ZNF521: variants seen among roughly 807,000 people sequenced by gnomAD.
ZNF521 encodes the protein LYST-interacting protein 3.
In ZNF521, 14 loss-of-function variants were observed where a neutral mutation model predicts 105.5. The observed-to-expected ratio is 0.13, with a 90% CI of 0.09 to 0.21. The LOEUF is 0.21. ZNF521 is among the 10% of genes least tolerant of loss of function. The probability of loss-of-function intolerance (pLI) is 1.00; values close to 1 mark genes in which losing one functional copy is unlikely to be tolerated. For missense variants in ZNF521, 1,233 were observed against 1,629.7 expected, an observed-to-expected ratio of 0.76 and a Z score of 4.19; for synonymous variants, 635 against 606.0, an observed-to-expected ratio of 1.05 and a Z score of -0.70.
At chr18:25,190,032 A>T (rs2035790664) in intron 5 of ZNF521, among the ~76,000 whole-genome samples, 1 of 152,148 alleles carries the variant, frequency 6.6e-6, no homozygotes, top group Admixed American at 6.5e-5. Flanking sequence ...GCTATTAAAG[A>T]GAAAGTATCC....
intron 3 of ZNF521, among the ~76,000 whole-genome samples, chr18:25,296,106 T>G (rs1473654003): frequency 6.6e-6 from 1 of 152,218 alleles, no homozygotes; most frequent in Non-Finnish European, 1.5e-5. Flanking sequence ...CTTATCCATC[T>G]TTTTGTTTCA....
chr18:25,323,555 C>A (rs775098568), intron 2 of ZNF521, among the ~76,000 whole-genome samples: 3 of 152,102 alleles, frequency 2.0e-5, no homozygotes, highest in Non-Finnish European at 4.4e-5. Flanking sequence ...AATCCTCCTG[C>A]CTCAGCCTCC....
chr18:25,128,942 T>C (rs139302139), intron 5 of ZNF521, among the ~76,000 whole-genome samples: 10 of 152,038 alleles, frequency 6.6e-5, no homozygotes, highest in African/African-American at 2.2e-4. Context: ...TTGTGGATAT[T>C]GACAAAAAGA....
At chr18:25,261,257 G>C (rs1322221097) in intron 3 of ZNF521, among the ~76,000 whole-genome samples, 3 of 152,150 alleles carry the variant, frequency 2.0e-5, no homozygotes, top group Non-Finnish European at 4.4e-5. Flanking sequence ...TGACCTGTCT[G>C]ATTAGCAGGA....
chr18:25,321,976 A>C (rs778053016), intron 3 of ZNF521, 32 bp downstream of exon 3: 2 of 1,600,202 alleles, frequency 1.2e-6, no homozygotes, highest in Non-Finnish European at 1.7e-6. Context: ...AGAACAGTAC[A>C]AGAAGACAAA....
chr18:25,131,684 G>A (rs2034644027), intron 5 of ZNF521, among the ~76,000 whole-genome samples: 1 of 152,140 alleles, frequency 6.6e-6, no homozygotes, highest in Admixed American at 6.6e-5. Context: ...AGTAGGTGCT[G>A]AATAAATGCT....
intron 5 of ZNF521, among the ~76,000 whole-genome samples, chr18:25,126,198 C>G (rs1015966941): frequency 6.6e-6 from 1 of 152,094 alleles, no homozygotes; most frequent in Admixed American, 6.5e-5. Context: ...GTCTCACAAG[C>G]AATCTTTGGT....
intron 3 of ZNF521, among the ~76,000 whole-genome samples, chr18:25,278,104 T>C (rs1299810425): frequency 1.3e-5 from 2 of 152,148 alleles, no homozygotes; most frequent in Non-Finnish European, 2.9e-5. Context: ...TTAGAGAAAA[T>C]GGTGCCACAG....
At chr18:25,190,831 CAT>C (rs759502957) in intron 5 of ZNF521, among the ~76,000 whole-genome samples, 2 of 152,296 alleles carry the variant, frequency 1.3e-5, no homozygotes, top group East Asian at 1.9e-4. Context: ...TAACACAACA[CAT>C]AGAGTACGTA....
At chr18:25,114,485 T>C (rs1404302283) in intron 5 of ZNF521, among the ~76,000 whole-genome samples, 1 of 152,190 alleles carries the variant, frequency 6.6e-6, no homozygotes, top group Admixed American at 6.5e-5. Context: ...GTTTATAATA[T>C]ACAAAGACTA....
chr18:25,329,902 C>T (rs61190663), intron 2 of ZNF521, among the ~76,000 whole-genome samples: 5,024 of 108,208 alleles, frequency 0.046, 274 homozygotes, highest in African/African-American at 0.15. Flanking sequence ...ACTAAGTCAA[C>T]GGCAGAAAGG....
chr18:25,153,806 T>G (rs1364918511), intron 5 of ZNF521, among the ~76,000 whole-genome samples: 1 of 152,174 alleles, frequency 6.6e-6, no homozygotes, highest in Non-Finnish European at 1.5e-5. Flanking sequence ...CTTCTCCTCC[T>G]TCTCCTCTCC....
intron 3 of ZNF521, among the ~76,000 whole-genome samples, chr18:25,293,132 C>A (rs1911129470): frequency 6.6e-6 from 1 of 152,112 alleles, no homozygotes; most frequent in South Asian, 2.1e-4. Context: ...GAACATAAAA[C>A]AACCAAAAAG....
intron 5 of ZNF521, among the ~76,000 whole-genome samples, chr18:25,106,457 A>T (rs543662640): frequency 1.1e-4 from 17 of 151,782 alleles, no homozygotes; most frequent in East Asian, 3.9e-4. Context: ...ATTGATGTTT[A>T]AAAAAAAATC....
chr18:25,082,765 C>G, intron 7 of ZNF521: 1 of 300,230 alleles, frequency 3.3e-6, no homozygotes, highest in South Asian at 2.6e-5. Flanking sequence ...TTGCTTGAAC[C>G]TAGGAGGCGG....
At chr18:25,215,841 T>C (rs1028369624) in intron 4 of ZNF521, among the ~76,000 whole-genome samples, 1 of 152,156 alleles carries the variant, frequency 6.6e-6, no homozygotes, top group Non-Finnish European at 1.5e-5. Context: ...CAACCCATGG[T>C]ACTGGTGCCA....
At chr18:25,126,314 G>A (rs1367513559) in intron 5 of ZNF521, among the ~76,000 whole-genome samples, 1 of 151,956 alleles carries the variant, frequency 6.6e-6, no homozygotes, top group African/African-American at 2.4e-5. Context: ...TCAGGCTATT[G>A]ATATTATGCT....
chr18:25,331,893 C>CTTT (rs11407486), intron 2 of ZNF521, among the ~76,000 whole-genome samples: 20 of 134,560 alleles, frequency 1.5e-4, no homozygotes, highest in Admixed American at 8.1e-4. Flanking sequence ...TTGCTTTTTT[C>CTTT]TTTTTTTTTT....
At chr18:25,165,395 T>C (rs2035321350) in intron 5 of ZNF521, among the ~76,000 whole-genome samples, 2 of 152,204 alleles carry the variant, frequency 1.3e-5, no homozygotes, top group South Asian at 4.1e-4. Flanking sequence ...TCAATCCCTG[T>C]GGAAGCTTCT....
Sources: gnomAD v4.1 joint callset for allele counts (sites outside exome capture counted in the v4.1 genomes callset) on GRCh38, gnomAD v4.1.1 for gene constraint, MANE v1.5 for transcripts, NCBI Gene and HGNC (gene_info 2026-07-23, HGNC 2026-07-21) for gene names.